Variants in ALDH1L2 observed in about 807,000 individuals in gnomAD.
ALDH1L2 encodes the protein mitochondrial 10-formyltetrahydrofolate dehydrogenase.
In ALDH1L2, 91 loss-of-function variants were observed where a neutral mutation model predicts 111.0. The ratio of observed to expected loss-of-function variants is 0.82; its 90% CI spans 0.69 to 0.98. ALDH1L2 has a LOEUF of 0.98. Ranked by LOEUF, ALDH1L2 falls within the 50% of genes least tolerant of loss-of-function variation. The pLI is 0.00. For missense variants in ALDH1L2, 995 were observed against 1,126.8 expected (o/e 0.88, Z 1.67); for synonymous variants, 374 against 392.6 (o/e 0.95, Z 0.56).
rs77846976 is a variant in ALDH1L2, at chr12:105,078,565, C to T, written c.49-4560G>A. On this transcript the variant is annotated intron_variant, in intron 1 of 22. Coordinates refer to ENST00000258494, the MANE Select transcript of ALDH1L2 (RefSeq NM_001034173.4). ...GCAGTGGTGGCCCCTTTACCCTAGA[C>T]ATGGTCTTGCCCTCTATGCAGCTCA... is the stretch of plus-strand genomic sequence containing the variant. Among the ~76,000 whole-genome samples, 614 of 152,332 alleles carry T rather than the reference C, an allele frequency of 4.0e-3. 17 individuals carry two copies. The East Asian group carries it at 0.066, about 16-fold the overall frequency.
Position 105,068,809 on chromosome 12 carries a change from G to A in ALDH1L2, c.504C>T (p.Ile168=). The A allele has an allele frequency of 6.2e-7, 1 of 1,609,614 alleles. No individual in the cohort carries two copies. The highest frequency in any genetic ancestry group is 1.7e-4 in the Middle Eastern group (1 of 6,054). Residue 168 remains isoleucine (I), a synonymous_variant, in exon 4 of 23, where the codon ATC becomes ATT. Transcript: ENST00000258494. ...CAACATCACATGATCTCTGAAGAAG[G>A]ATGGGTCCTGTATCCAAGCCATCAT... is the stretch of plus-strand genomic sequence containing the variant. The part of the protein sequence containing the change: ...WADDGLDTGP[I]LLQRSCDVEP...
At chr12:105,060,027 C>T (rs1324236838) in intron 9 of ALDH1L2, among the ~76,000 whole-genome samples, 4 of 152,152 alleles carry the variant, frequency 2.6e-5, no homozygotes, top group Non-Finnish European at 4.4e-5. Context: ...AGTTTCCTTG[C>T]GATAGAGGCT....
chr12:105,050,067 T>A lies in ALDH1L2; in HGVS notation c.1536-9A>T, dbSNP rs1223290203. ...CCAGTAGGTCTGCAAGTCTGTGTGG[T>A]CAGTGAAAGAAATAAATTCAACAAG... On this transcript the variant is annotated splice_polypyrimidine_tract_variant and intron_variant, in intron 12 of 22. Coordinates refer to ENST00000258494, the MANE Select transcript of ALDH1L2 (RefSeq NM_001034173.4). The A allele has an allele frequency of 1.3e-6, 2 of 1,574,236 alleles. No homozygotes were observed. Among genetic ancestry groups the A allele is most frequent in the South Asian group, 1.2e-5 (1 of 85,152 alleles).
In ALDH1L2 at chr12:105,038,271, CACACACAA is replaced by C. The variant is rs879242336; in HGVS notation, c.2046-77_2046-70del. Reference sequence around the variant, plus strand: ...TCTCTCTCTCTCTCTCACACACACACACACACAAACACACACACACACACACACACACA... The same window carrying C: ...TCTCTCTCTCTCTCTCACACACACACACACACACACACACACACACACACA... On this transcript the variant is annotated intron_variant, in intron 17 of 22. Coordinates refer to ENST00000258494, the MANE Select transcript of ALDH1L2 (RefSeq NM_001034173.4). The C allele has an allele frequency of 7.0e-3, 3,203 of 455,032 alleles. 18 individuals are homozygous for C. The highest frequency in any genetic ancestry group is 0.017 in the East Asian group (422 of 24,810). The allele number at this position is 455,032 out of a possible 1,614,324, so 28.2% of individuals were successfully genotyped here.
At position 105,073,936 on chromosome 12, in the gene ALDH1L2, G is replaced by A; in HGVS notation, c.118C>T (p.His40Tyr). The change falls in exon 2 of 23, where the codon CAC becomes TAC. Residue 40 changes from histidine to tyrosine, a missense_variant. His to Tyr is a moderately conservative substitution (Grantham distance 83, BLOSUM62 2). Coordinates refer to ENST00000258494, the MANE Select transcript of ALDH1L2 (RefSeq NM_001034173.4). ...QSLFGQEVYS[H>Y]LRKEGHRVVG... Reference sequence around the variant, plus strand: ...ACTCGGTGGCCCTCTTTGCGGAGGTGGCTATAGACTTCTTGTCCAAAGAGG... The same window carrying A: ...ACTCGGTGGCCCTCTTTGCGGAGGTAGCTATAGACTTCTTGTCCAAAGAGG... 2 of 1,614,112 alleles carry A rather than the reference G, an allele frequency of 1.2e-6. No homozygotes were observed. Among genetic ancestry groups the A allele is most frequent in the South Asian group, 2.2e-5 (2 of 91,074 alleles).
rs1377503172 is a variant in ALDH1L2 at position 105,024,301 on chromosome 12, G to T, written c.*123C>A. 1 of 1,033,120 alleles carries T rather than the reference G, an allele frequency of 9.7e-7. No individual in the cohort carries two copies. 64.0% of individuals were successfully genotyped at this position (1,033,120 alleles called of 1,614,324 possible). ...TTTAACATGGCCTGGCCCTCTTCATGGTCCATCTGTGTATTTTTTGGTTTG... is the reference window on the plus strand; with the variant it reads ...TTTAACATGGCCTGGCCCTCTTCATTGTCCATCTGTGTATTTTTTGGTTTG... On this transcript the variant is annotated 3_prime_UTR_variant, in exon 23 of 23. Transcript: ENST00000258494.
intron 15 of ALDH1L2, 63 bp downstream of exon 15, chr12:105,046,647 C>T (rs1277755801): frequency 7.1e-7 from 1 of 1,417,686 alleles, no homozygotes; most frequent in South Asian, 1.2e-5. Context: ...ATATATTTCA[C>T]TTTTTTGAAG....
In ALDH1L2 at chr12:105,062,886, A is replaced by C. The variant is rs369306926; in HGVS notation, c.921+2T>G. The C allele has an allele frequency of 6.2e-7, 1 of 1,609,892 alleles. No homozygotes were observed. ...TCATAGGCAGCCATATTTAACACTC[A>C]CTGCTTTTCCATCGTTACCAAAAAG... On this transcript the variant is annotated splice_donor_variant, in intron 7 of 22. Transcript: ENST00000258494. LOFTEE classifies it high-confidence loss of function.
In ALDH1L2 at chr12:105,049,835, T is replaced by G. The variant is rs114749952; in HGVS notation, c.1686+73A>C. The stretch of plus-strand genomic sequence containing the variant: ...AAAAAATCTACATAAAAAGAGGATC[T>G]GACACAGTGCCTGGTACAAACTAAT... On this transcript the variant is annotated intron_variant, in intron 13 of 22. Coordinates refer to ENST00000258494, the MANE Select transcript of ALDH1L2 (RefSeq NM_001034173.4). 6.3e-4 allele frequency: 928 copies of G among 1,465,958 alleles called. 5 individuals are homozygous for G. In the African/African-American group the frequency reaches 0.012, roughly 19 times the overall value. The allele number at this position is 1,465,958 out of a possible 1,614,324, so 90.8% of individuals were successfully genotyped here.
At chr12:105,029,034 T>TTG (rs1874565090) in intron 21 of ALDH1L2, among the ~76,000 whole-genome samples, 1 of 151,522 alleles carries the variant, frequency 6.6e-6, no homozygotes, top group South Asian at 2.1e-4. Flanking sequence ...ATTTTTTTTT[T>TTG]TTTTTTTTTA....
In ALDH1L2 at chr12:105,039,852, C is replaced by T. The variant is rs113465461; in HGVS notation, c.1952-46G>A. On this transcript the variant is annotated intron_variant, in intron 16 of 22. Coordinates refer to ENST00000258494, the MANE Select transcript of ALDH1L2 (RefSeq NM_001034173.4). Reference sequence around the variant, plus strand: ...ACGGGAATTAAAACATACTCAAGGCCGGGCGCGGTGGCTTACGCCTGTAAT... The same window carrying T: ...ACGGGAATTAAAACATACTCAAGGCTGGGCGCGGTGGCTTACGCCTGTAAT... The T allele has an allele frequency of 6.3e-5, 99 of 1,572,124 alleles. 1 individual carries two copies. In the African/African-American group the frequency reaches 9.6e-4, roughly 15 times the overall value.
chr12:105,063,701 T>C (rs1179570804), intron 6 of ALDH1L2, among the ~76,000 whole-genome samples: 1 of 151,998 alleles, frequency 6.6e-6, no homozygotes, highest in Non-Finnish European at 1.5e-5. Context: ...GCGTCAATGA[T>C]GGGCAATGCA....
chr12:105,039,853 G>T, intron 16 of ALDH1L2, 47 bp from the exon 17 acceptor site: 1 of 1,563,880 alleles, frequency 6.4e-7, no homozygotes, highest in Non-Finnish European at 8.8e-7. Flanking sequence ...ACTCAAGGCC[G>T]GGCGCGGTGG....
At chr12:105,039,682 C>G (rs754357535) in intron 17 of ALDH1L2, 31 bp downstream of exon 17, 2 of 1,586,936 alleles carry the variant, frequency 1.3e-6, no homozygotes, top group South Asian at 1.1e-5. Context: ...TTAACAGGAT[C>G]TGCAGTGAAT....
chr12:105,058,622 C>T (rs2136085849), intron 9 of ALDH1L2, among the ~76,000 whole-genome samples: 1 of 152,318 alleles, frequency 6.6e-6, no homozygotes, highest in East Asian at 1.9e-4. Flanking sequence ...ACTATTTTCT[C>T]TAAATTACAA....
chr12:105,030,106 G>C (rs574702747), intron 21 of ALDH1L2: 13 of 343,320 alleles, frequency 3.8e-5, no homozygotes, highest in African/African-American at 2.7e-4. Context: ...TCAGCTAAAA[G>C]CCCATTATGT....
intron 4 of ALDH1L2, among the ~76,000 whole-genome samples, chr12:105,067,045 T>C (rs1220679943): frequency 6.6e-6 from 1 of 150,658 alleles, no homozygotes; most frequent in East Asian, 1.9e-4. Flanking sequence ...TGAAACCCCG[T>C]CTCTACTAAA....
At chr12:105,059,508 G>A (rs893261424) in intron 9 of ALDH1L2, among the ~76,000 whole-genome samples, 10 of 152,086 alleles carry the variant, frequency 6.6e-5, no homozygotes, top group African/African-American at 2.2e-4. Context: ...TCATCATAAT[G>A]TAGTATTGAA....
At chr12:105,056,564 G>A (rs1163045465) in intron 10 of ALDH1L2, among the ~76,000 whole-genome samples, 1 of 151,574 alleles carries the variant, frequency 6.6e-6, no homozygotes, top group Non-Finnish European at 1.5e-5. Flanking sequence ...ACTTCATAAA[G>A]CAATAATTAT....
Sources: allele counts gnomAD v4.1 joint callset (sites outside exome capture counted in the v4.1 genomes callset), GRCh38; gene constraint gnomAD v4.1.1; transcripts MANE v1.5; gene names NCBI Gene and HGNC (gene_info 2026-07-23, HGNC 2026-07-21).